PA2G4: variants seen among roughly 807,000 people sequenced by gnomAD.
PA2G4 encodes the protein proliferation-associated 2G4, also known as proliferation-associated protein 2G4.
Under a neutral mutation model 53.3 loss-of-function variants are expected in PA2G4, and 8 were observed. The observed-to-expected ratio is 0.15, with a 90% CI of 0.09 to 0.27. The LOEUF (loss-of-function observed/expected upper bound fraction) is 0.27. PA2G4 is among the 10% of genes least tolerant of loss of function. The probability of loss-of-function intolerance (pLI) is 1.00; values close to 1 mark genes in which losing one functional copy is unlikely to be tolerated. For synonymous variants in PA2G4, 143 were observed against 169.8 expected (o/e 0.84, Z 1.23); for missense variants, 208 against 486.8 (o/e 0.43, Z 5.39).
intron 5 of PA2G4, among the ~76,000 whole-genome samples, chr12:56,108,350 C>T (rs962372111): frequency 5.3e-5 from 8 of 152,224 alleles, no homozygotes; most frequent in African/African-American, 1.9e-4. Context: ...TTGGGATATA[C>T]ATCTGCCCTG....
At position 56,113,176 on chromosome 12, in the gene PA2G4, T is replaced by C. The variant is rs1320270719; in HGVS notation, c.*288T>C. On this transcript the variant is annotated 3_prime_UTR_variant, in exon 13 of 13. Coordinates refer to ENST00000303305, the MANE Select transcript of PA2G4 (RefSeq NM_006191.3). ...AATTCATCGTCTTCAAGCCCCTCTT[T>C]CTAGCCTTTTCTACTACTCTCTGCT... is the stretch of plus-strand genomic sequence containing the variant. 2.6e-5 allele frequency: 7 copies of C among 272,610 alleles called. No homozygotes were observed. The highest frequency in any genetic ancestry group is 6.8e-6 in the Non-Finnish European group (1 of 146,114). The allele number at this position is 272,610 out of a possible 1,614,324, so 16.9% of individuals were successfully genotyped here. A position where few individuals can be genotyped will look rare whatever the true frequency, so the allele number is the denominator to read the frequency against.
chr12:56,106,495 T>C (rs575484319), intron 1 of PA2G4, 93 bp from the exon 2 acceptor site: 1 of 1,369,540 alleles, frequency 7.3e-7, no homozygotes, highest in South Asian at 1.7e-5. Flanking sequence ...GGGAGTATTA[T>C]GGAAACTCTT....
intron 6 of PA2G4, 32 bp from the exon 7 acceptor site, chr12:56,109,825 A>G: frequency 3.3e-6 from 5 of 1,533,654 alleles, no homozygotes; most frequent in Non-Finnish European, 4.5e-6. Flanking sequence ...GATACTGGAT[A>G]GCTTGTTCCA....
At position 56,104,628 on chromosome 12, in the gene PA2G4, G is replaced by C; in HGVS notation, c.-110G>C. 5.6e-6 allele frequency: 6 copies of C among 1,062,584 alleles called. No homozygotes were observed. Among genetic ancestry groups the C allele is most frequent in the Non-Finnish European group, 8.9e-6 (6 of 676,408 alleles). The allele number at this position is 1,062,584 out of a possible 1,614,324, so 65.8% of individuals were successfully genotyped here. A position where few individuals can be genotyped will look rare whatever the true frequency, so the allele number is the denominator to read the frequency against. On this transcript the variant is annotated 5_prime_UTR_variant, in exon 1 of 13. Transcript: ENST00000303305. ...CCCTTGCTTGCTCGCGCTTTCGCTC[G>C]CCCTCTCCTCGAGGATCGAGGGGAC...
In PA2G4 at chr12:56,107,753, G is replaced by T. The variant is rs148881463; in HGVS notation, c.486+140G>T. On this transcript the variant is annotated intron_variant, in intron 5 of 12. Transcript: ENST00000303305. ...TTTAAAATTAGCTATATTTAGCTGG[G>T]CACAGTGACTCACATCTGTAATCCC... The T allele has an allele frequency of 3.2e-4, 192 of 601,320 alleles. 1 individual carries two copies. In the African/African-American group the frequency reaches 3.4e-3, roughly 11 times the overall value. 37.2% of individuals were successfully genotyped at this position (601,320 alleles called of 1,614,324 possible).
In PA2G4 at chr12:56,112,828, CA is replaced by C. The variant is rs773304893; in HGVS notation, c.1127del (p.Lys376ArgfsTer12). 2 of 1,586,206 alleles carry C rather than the reference CA, an allele frequency of 1.3e-6. No homozygotes were observed. Among genetic ancestry groups the C allele is most frequent in the Non-Finnish European group, 1.7e-6 (2 of 1,168,812 alleles). On this transcript the variant is annotated frameshift_variant, in exon 13 of 13. Coordinates refer to ENST00000303305, the MANE Select transcript of PA2G4 (RefSeq NM_006191.3). LOFTEE classifies it high-confidence loss of function. ...TCTCCTTTTCTTGCATATAGGCCTC[CA>C]AGACTGCAGAGAATGCCACCAGTGG... ...TQKKKKKKASKTAENATSGET... is the reference protein window; with the variant it reads ...TQKKKKKKASXTAENATSGET...
Position 56,104,762 on chromosome 12 carries a change from G to A in PA2G4, c.25G>A (p.Glu9Lys). The change falls in exon 1 of 13, where the codon GAG (glutamate) becomes AAG (lysine). Residue 9 changes from glutamate to lysine, a missense_variant. Transcript: ENST00000303305. The part of the protein sequence containing the change: MSGEDEQQ[E>K]QTIAEDLVVT... ...GATGTCGGGCGAGGACGAGCAACAGGAGCAAACTATCGCTGAGGACCTGGT... is the reference window on the plus strand; with the variant it reads ...GATGTCGGGCGAGGACGAGCAACAGAAGCAAACTATCGCTGAGGACCTGGT... The A allele has an allele frequency of 6.2e-7, 1 of 1,613,988 alleles. No homozygotes were observed. The highest frequency in any genetic ancestry group is 8.5e-7 in the Non-Finnish European group (1 of 1,180,036).
Position 56,110,386 on chromosome 12 carries a change from C to T in PA2G4, c.630-13C>T. 6.6e-7 allele frequency: 1 copy of T among 1,520,054 alleles called. No homozygotes were observed. Among genetic ancestry groups the T allele is most frequent in the South Asian group, 1.1e-5 (1 of 88,772 alleles). 94.2% of individuals were successfully genotyped at this position (1,520,054 alleles called of 1,614,324 possible). On this transcript the variant is annotated splice_polypyrimidine_tract_variant and intron_variant, in intron 7 of 12. Transcript: ENST00000303305. ...AAAAAAAAAAAAAATTCCTTTCTCT[C>T]TATTCCTTTTAGGAAGGACCATGAA... is the stretch of plus-strand genomic sequence containing the variant.
chr12:56,111,465 C>T lies in PA2G4; in HGVS notation c.1066-11C>T. The T allele has an allele frequency of 6.2e-7, 1 of 1,612,858 alleles. No individual in the cohort carries two copies. Among genetic ancestry groups the T allele is most frequent in the East Asian group, 2.2e-5 (1 of 44,860 alleles). On this transcript the variant is annotated splice_polypyrimidine_tract_variant and intron_variant, in intron 11 of 12. Coordinates refer to ENST00000303305, the MANE Select transcript of PA2G4 (RefSeq NM_006191.3). ...TTCTCAAAATTTTTTTCCCTTCTTC[C>T]TGTTTTCCAGGCCCTCCTCCAGAGT...
At chr12:56,105,400 G>A (rs1869279485) in intron 1 of PA2G4, among the ~76,000 whole-genome samples, 1 of 152,154 alleles carries the variant, frequency 6.6e-6, no homozygotes, top group Admixed American at 6.5e-5. Context: ...TCTTACCCTG[G>A]TGGGGGCCCC....
intron 5 of PA2G4, among the ~76,000 whole-genome samples, chr12:56,107,867 A>C (rs1160595416): frequency 1.3e-5 from 2 of 151,948 alleles, no homozygotes; most frequent in African/African-American, 4.8e-5. Flanking sequence ...CATTTCTACA[A>C]AAAATACAAA....
intron 5 of PA2G4, among the ~76,000 whole-genome samples, 180 bp from the exon 6 acceptor site, chr12:56,109,050 C>T (rs546246710): frequency 5.4e-5 from 8 of 147,202 alleles, no homozygotes; most frequent in East Asian, 4.3e-4. Context: ...AGCTTGAACC[C>T]GGGAGGCAGA....
At chr12:56,105,216 C>A in intron 1 of PA2G4, 1 of 450,182 alleles carries the variant, frequency 2.2e-6, no homozygotes. Context: ...CAGAAGTGCC[C>A]CTCTGTTTTT....
intron 6 of PA2G4, 46 bp downstream of exon 6, chr12:56,109,339 G>C: frequency 6.8e-7 from 1 of 1,463,208 alleles, no homozygotes; most frequent in Non-Finnish European, 9.6e-7. Flanking sequence ...GAGTGGCTTT[G>C]CCAGGTGCGG....
At chr12:56,105,258 G>A (rs1183329180) in intron 1 of PA2G4, among the ~76,000 whole-genome samples, 1 of 152,152 alleles carries the variant, frequency 6.6e-6, no homozygotes, top group African/African-American at 2.4e-5. Context: ...GAGCCAAGCC[G>A]GCACGTGTTG....
intron 12 of PA2G4, 112 bp downstream of exon 12, chr12:56,111,641 T>C: frequency 5.5e-6 from 5 of 916,264 alleles, no homozygotes; most frequent in Non-Finnish European, 6.9e-6. Context: ...CCTCAACTTA[T>C]ATGATAGAAC....
At chr12:56,110,932 A>C (rs1336754873) in intron 9 of PA2G4, 32 bp from the exon 10 acceptor site, 2 of 1,593,844 alleles carry the variant, frequency 1.3e-6, no homozygotes, top group East Asian at 4.5e-5. Flanking sequence ...TGGGGAGTTA[A>C]AGATACCTCT....
chr12:56,107,281 GT>G, intron 4 of PA2G4, 25 bp downstream of exon 4: 2 of 1,583,202 alleles, frequency 1.3e-6, no homozygotes, highest in Non-Finnish European at 1.7e-6. Flanking sequence ...TTTGATCTCT[GT>G]TTAGCCTTGG....
intron 7 of PA2G4, 87 bp downstream of exon 7, chr12:56,110,022 C>T (rs1869385957): frequency 1.1e-6 from 1 of 928,004 alleles, no homozygotes; most frequent in Non-Finnish European, 1.8e-6. Flanking sequence ...TCTTGTCCGC[C>T]CTCTACTCCA....
Sources: gnomAD v4.1 joint callset for allele counts (sites outside exome capture counted in the v4.1 genomes callset) on GRCh38, gnomAD v4.1.1 for gene constraint, MANE v1.5 for transcripts, NCBI Gene and HGNC (gene_info 2026-07-23, HGNC 2026-07-21) for gene names.